FOXP2: variants seen among roughly 807,000 people sequenced by gnomAD.
FOXP2 encodes the protein forkhead box P2.
FOXP2 carries 12 observed loss-of-function variants against 115.8 expected under a neutral mutation model. That is an observed-to-expected ratio of 0.10 (90% CI 0.07 to 0.17). The LOEUF (loss-of-function observed/expected upper bound fraction) is 0.17. Among genes scored for constraint, FOXP2 ranks in the 10% least tolerant of loss-of-function variants. The probability of loss-of-function intolerance (pLI) is 1.00; values close to 1 mark genes in which losing one functional copy is unlikely to be tolerated. For synonymous variants in FOXP2, 328 were observed against 297.7 expected, an observed-to-expected ratio of 1.10 and a Z score of -1.05; for missense variants, 629 against 843.5, an observed-to-expected ratio of 0.75 and a Z score of 3.15.
chr7:114,508,391 C>A (rs1797923220), intron 2 of FOXP2, among the ~76,000 whole-genome samples: 1 of 151,960 alleles, frequency 6.6e-6, no homozygotes, highest in Admixed American at 6.6e-5. Flanking sequence ...GTAGAGTGAG[C>A]CAATAACTGG....
At chr7:114,645,277 A>G (rs914252811) in intron 8 of FOXP2, 1 of 149,862 alleles carries the variant, frequency 6.7e-6, no homozygotes, top group Non-Finnish European at 1.5e-5. Flanking sequence ...TACAAGAATT[A>G]AAAGTGAAAG....
intron 2 of FOXP2, among the ~76,000 whole-genome samples, chr7:114,321,936 C>T (rs1406431441): frequency 6.6e-6 from 1 of 151,962 alleles, no homozygotes; most frequent in South Asian, 2.1e-4. Context: ...ACCTTCTTAT[C>T]TCCAAAGCTC....
At chr7:114,523,187 C>T (rs931218933) in intron 2 of FOXP2, among the ~76,000 whole-genome samples, 1 of 152,052 alleles carries the variant, frequency 6.6e-6, no homozygotes, top group African/African-American at 2.4e-5. Context: ...GGAATTTATT[C>T]AGAGATCATC....
chr7:114,531,122 T>C (rs1272634423), intron 2 of FOXP2, among the ~76,000 whole-genome samples: 2 of 151,820 alleles, frequency 1.3e-5, no homozygotes. Flanking sequence ...ATCTCTTTCT[T>C]GTTTCTGATA....
intron 3 of FOXP2, among the ~76,000 whole-genome samples, chr7:114,556,809 G>T (rs1800478451): frequency 6.6e-6 from 1 of 152,052 alleles, no homozygotes; most frequent in South Asian, 2.1e-4. Flanking sequence ...ATTTTGAATA[G>T]TTTTTTCTAG....
chr7:114,632,428 T>C (rs1213267817), intron 6 of FOXP2, among the ~76,000 whole-genome samples: 1 of 152,198 alleles, frequency 6.6e-6, no homozygotes, highest in African/African-American at 2.4e-5. Flanking sequence ...GGTAAACAAA[T>C]GACTGTGTGC....
intron 2 of FOXP2, among the ~76,000 whole-genome samples, chr7:114,379,227 C>A (rs1792219526): frequency 6.6e-6 from 1 of 152,174 alleles, no homozygotes; most frequent in Non-Finnish European, 1.5e-5. Flanking sequence ...ACTGTGCTCT[C>A]AGGCAATAGA....
chr7:114,116,629 T>C (rs569432687), intron 1 of FOXP2, among the ~76,000 whole-genome samples: 3 of 152,230 alleles, frequency 2.0e-5, no homozygotes, highest in African/African-American at 7.2e-5. Flanking sequence ...ATTAAAAGAA[T>C]AACAATATGA....
At chr7:114,523,599 T>G (rs1798725797) in intron 2 of FOXP2, among the ~76,000 whole-genome samples, 3 of 152,156 alleles carry the variant, frequency 2.0e-5, no homozygotes, top group Non-Finnish European at 2.9e-5. Context: ...CGAAGTTTTG[T>G]TTTTTTCTCT....
At chr7:114,245,078 A>T (rs1795248466) in intron 1 of FOXP2, among the ~76,000 whole-genome samples, 1 of 152,110 alleles carries the variant, frequency 6.6e-6, no homozygotes, top group Admixed American at 6.5e-5. Context: ...TTTTCTTTAT[A>T]TATACATTCT....
At chr7:114,218,744 G>A (rs187330159) in intron 1 of FOXP2, among the ~76,000 whole-genome samples, 2 of 152,300 alleles carry the variant, frequency 1.3e-5, no homozygotes, top group East Asian at 3.9e-4. Flanking sequence ...CAGAATTGCA[G>A]TGTGGTTCTA....
chr7:114,662,189 A>G lies in FOXP2; in HGVS notation c.1769+3A>G. 6.2e-7 allele frequency: 1 copy of G among 1,612,294 alleles called. No individual in the cohort carries two copies. Reference sequence around the variant, plus strand: ...CGAAGGTCACAAAAGATAACAGGGTATGTTTGTGATAGTTTTGTAATCCTG... The same window carrying G: ...CGAAGGTCACAAAAGATAACAGGGTGTGTTTGTGATAGTTTTGTAATCCTG... On this transcript the variant is annotated splice_donor_region_variant and intron_variant, in intron 14 of 16. Coordinates refer to ENST00000350908, the MANE Select transcript of FOXP2 (RefSeq NM_014491.4).
intron 1 of FOXP2, among the ~76,000 whole-genome samples, chr7:114,229,165 A>G (rs1388848926): frequency 6.6e-6 from 1 of 151,206 alleles, no homozygotes; most frequent in Non-Finnish European, 1.5e-5. Context: ...AACTTTATAT[A>G]ATGATAAAAG....
intron 2 of FOXP2, among the ~76,000 whole-genome samples, chr7:114,434,945 G>A (rs1034886561): frequency 6.6e-6 from 1 of 152,088 alleles, no homozygotes; most frequent in African/African-American, 2.4e-5. Flanking sequence ...CATGGCTCAT[G>A]GAGAACCCAA....
chr7:114,199,380 A>G (rs545702132), intron 1 of FOXP2, among the ~76,000 whole-genome samples: 1 of 152,248 alleles, frequency 6.6e-6, no homozygotes, highest in African/African-American at 2.4e-5. Context: ...TGAAAATAAT[A>G]TAAAATAAAT....
chr7:114,135,480 T>G (rs1172521270), intron 1 of FOXP2, among the ~76,000 whole-genome samples: 1 of 152,188 alleles, frequency 6.6e-6, no homozygotes, highest in Non-Finnish European at 1.5e-5. Flanking sequence ...TAGAATATAT[T>G]CACTTTCTGC....
chr7:114,599,008 AG>A (rs1802874877), intron 3 of FOXP2, among the ~76,000 whole-genome samples: 1 of 152,116 alleles, frequency 6.6e-6, no homozygotes, highest in African/African-American at 2.4e-5. Context: ...CTACATACAC[AG>A]CCACGTTTAT....
rs191545133 is a variant in FOXP2 at position 114,213,172 on chromosome 7, C to G, written c.-102+50084C>G. Among the ~76,000 whole-genome samples the G allele has an allele frequency of 1.4e-3, 211 of 152,226 alleles. 1 individual carries two copies. The highest frequency in any genetic ancestry group is 4.9e-3 in the African/African-American group (204 of 41,552). ...ACTATAAAATCTTATTTCAGAACTGCTTATTAACTCATCTTATTTACATAG... is the reference window on the plus strand; with the variant it reads ...ACTATAAAATCTTATTTCAGAACTGGTTATTAACTCATCTTATTTACATAG... On this transcript the variant is annotated intron_variant, in intron 1 of 17. Transcript: ENST00000634411.
intron 3 of FOXP2, among the ~76,000 whole-genome samples, chr7:114,557,530 G>A (rs985238884): frequency 1.3e-5 from 2 of 151,840 alleles, no homozygotes; most frequent in African/African-American, 2.4e-5. Context: ...TTAAAATGTC[G>A]ATTTCACTTC....
Sources: gnomAD v4.1 joint callset for allele counts (sites outside exome capture counted in the v4.1 genomes callset) on GRCh38, gnomAD v4.1.1 for gene constraint, MANE v1.5 for transcripts, NCBI Gene and HGNC (gene_info 2026-07-23, HGNC 2026-07-21) for gene names.